Variants in GPRC5B observed in about 807,000 individuals in gnomAD.
GPRC5B encodes G protein-coupled receptor class C group 5 member B.
Under a neutral mutation model 30.1 loss-of-function variants are expected in GPRC5B, and 16 were observed. That is an observed-to-expected ratio of 0.53 (90% CI 0.36 to 0.81). The LOEUF (loss-of-function observed/expected upper bound fraction) is 0.81, where lower values mean the gene tolerates loss of function less well. Ranked by LOEUF, GPRC5B falls within the 30% of genes least tolerant of loss-of-function variation. The pLI, the probability that GPRC5B is intolerant of heterozygous loss-of-function variation, is 0.01. For missense variants in GPRC5B, 428 were observed against 544.7 expected (o/e 0.79, Z 2.13); for synonymous variants, 241 against 239.5 (o/e 1.01, Z -0.06).
chr16:19,873,222 T>C (rs1174932300), intron 1 of GPRC5B, among the ~76,000 whole-genome samples: 1 of 152,002 alleles, frequency 6.6e-6, no homozygotes, highest in Non-Finnish European at 1.5e-5. Context: ...CCCAGCAGTT[T>C]GGGAGGCAGA....
At chr16:19,862,137 T>A in intron 2 of GPRC5B, 164 bp from the exon 3 acceptor site, 1 of 625,674 alleles carries the variant, frequency 1.6e-6, no homozygotes. Flanking sequence ...ACAAAGGGGC[T>A]TTGTTCTCAG....
chr16:19,857,745 TAA>T lies in GPRC5B; in HGVS notation c.*2753_*2754del, dbSNP rs397937342. ...CAGTGGGTCCTGACGGCATCTGGGC[TAA>T]AAAAAAAAAAAAAAAAAAGCACTGG... On this transcript the variant is annotated 3_prime_UTR_variant, in exon 4 of 4. Coordinates refer to ENST00000300571, the MANE Select transcript of GPRC5B (RefSeq NM_016235.3). The T allele has an allele frequency of 4.4e-3, 438 of 98,598 alleles. 2 individuals carry two copies. The highest frequency in any genetic ancestry group is 0.012 in the African/African-American group (315 of 27,088). The allele number at this position is 98,598 out of a possible 1,614,324, so 6.1% of individuals were successfully genotyped here. A position where few individuals can be genotyped will look rare whatever the true frequency, so the allele number is the denominator to read the frequency against.
At chr16:19,884,542 G>A (rs891560076) in intron 1 of GPRC5B, among the ~76,000 whole-genome samples, 185 bp downstream of exon 1, 1 of 108,906 alleles carries the variant, frequency 9.2e-6, no homozygotes, top group South Asian at 3.5e-4. Context: ...CTCTGCTCTC[G>A]TCGCACCGTG....
At chr16:19,880,891 C>G (rs1351068844) in intron 1 of GPRC5B, 2 of 109,732 alleles carry the variant, frequency 1.8e-5, no homozygotes, top group Admixed American at 1.7e-4. Flanking sequence ...CCCTGTGTCC[C>G]CTCGACCCCA....
chr16:19,877,850 A>G (rs999963511), intron 1 of GPRC5B, among the ~76,000 whole-genome samples: 10 of 152,230 alleles, frequency 6.6e-5, no homozygotes, highest in East Asian at 1.9e-4. Context: ...TTTACTACAC[A>G]CTAGAGTCCC....
rs749275846 is a variant in GPRC5B at position 19,872,778 on chromosome 16, A to T, written c.68T>A (p.Ile23Asn). The change falls in exon 2 of 4, where the codon ATC becomes AAC. Residue 23 changes from isoleucine (I) to asparagine (N), a missense_variant. This residue lies in a region of GPRC5B where 196 missense variants were observed against 272.6 expected (regional missense o/e 0.72). Coordinates refer to ENST00000300571, the MANE Select transcript of GPRC5B (RefSeq NM_016235.3). The surrounding 1 kb of genome is among the most constrained non-coding windows in gnomAD (Gnocchi z 5.0). ...QVLTFLLLFV[I>N]TSVASENAST... Reference sequence around the variant, plus strand: ...GGCGTTTTCAGAGGCCACCGAGGTGATCACGAAGAGCAGGAGGAAGGTGAG... The same window carrying T: ...GGCGTTTTCAGAGGCCACCGAGGTGTTCACGAAGAGCAGGAGGAAGGTGAG... 3 of 1,613,808 alleles carry T rather than the reference A, an allele frequency of 1.9e-6. 1 individual carries two copies. The South Asian group carries it at 3.3e-5, about 18-fold the overall frequency.
intron 2 of GPRC5B, among the ~76,000 whole-genome samples, chr16:19,870,467 C>A (rs977276999): frequency 6.6e-6 from 1 of 152,224 alleles, no homozygotes; most frequent in African/African-American, 2.4e-5. Flanking sequence ...CAGTCTCTTA[C>A]TATTTCTAGT....
chr16:19,883,149 G>T (rs548849278), intron 1 of GPRC5B, among the ~76,000 whole-genome samples: 2 of 152,332 alleles, frequency 1.3e-5, no homozygotes, highest in African/African-American at 2.4e-5. Flanking sequence ...CAGGGGTTTT[G>T]TCCGTTTTAT....
rs773832981 is a variant in GPRC5B at position 19,857,223 on chromosome 16, C to T, written c.*3277G>A. ...TTCTCCCATTTAAAATGCCACAGAC[C>T]GACCCTCAAGGCAGATCCGAAAGCC... On this transcript the variant is annotated 3_prime_UTR_variant, in exon 4 of 4. Transcript: ENST00000300571. 6 of 270,002 alleles carry T rather than the reference C, an allele frequency of 2.2e-5. No homozygotes were observed. The highest frequency in any genetic ancestry group is 4.7e-5 in the African/African-American group (2 of 42,726). The allele number at this position is 270,002 out of a possible 1,614,324, so 16.7% of individuals were successfully genotyped here. A position where few individuals can be genotyped will look rare whatever the true frequency, so the allele number is the denominator to read the frequency against.
intron 3 of GPRC5B, 99 bp downstream of exon 3, chr16:19,861,738 A>G (rs1482711414): frequency 1.0e-6 from 1 of 993,772 alleles, no homozygotes; most frequent in Non-Finnish European, 1.6e-6. Flanking sequence ...TGCAGGCCAC[A>G]TGGGCAGCCT....
intron 2 of GPRC5B, among the ~76,000 whole-genome samples, chr16:19,867,477 G>C (rs1459122286): frequency 6.6e-6 from 1 of 152,206 alleles, no homozygotes; most frequent in South Asian, 2.1e-4. Context: ...CCCCAACAGA[G>C]GTTAGTTATC....
In GPRC5B at chr16:19,861,932, T is replaced by C; in HGVS notation, c.1072A>G (p.Arg358Gly). ...AGFPNGSLGK[R>G]PSGSLGKRPS... ...CTTTTCCCCAAGCTGCCACTGGGTCTTTTTCCCAAGCTGCCGTTGGGAAAT... is the reference window on the plus strand; with the variant it reads ...CTTTTCCCCAAGCTGCCACTGGGTCCTTTTCCCAAGCTGCCGTTGGGAAAT... The change falls in exon 3 of 4, where the codon AGA becomes GGA. Residue 358 changes from arginine (R) to glycine (G), a missense_variant. Around this residue, in one of 3 missense-constraint regions of GPRC5B, gnomAD observed 213 missense variants for 229.1 expected, o/e 0.93. Transcript: ENST00000300571. 1 of 1,612,752 alleles carries C rather than the reference T, an allele frequency of 6.2e-7. No individual in the cohort carries two copies.
upstream of GPRC5B, chr16:19,885,619 G>A (rs543564773): frequency 4.9e-6 from 5 of 1,010,704 alleles, no homozygotes; most frequent in East Asian, 1.1e-4. This position sits in a 1 kb window ranked among gnomAD's most constrained non-coding sequence, Gnocchi z 5.3. Context: ...CATGTCCACT[G>A]CCCTTCAGGG....
upstream of GPRC5B, chr16:19,885,086 C>A (rs2056840598): frequency 6.1e-6 from 5 of 813,634 alleles, no homozygotes; most frequent in Non-Finnish European, 8.8e-6. This position sits in a 1 kb window ranked among gnomAD's most constrained non-coding sequence, Gnocchi z 5.3. Flanking sequence ...CCTCGTGCCC[C>A]CAATTCGGGG....
At chr16:19,883,620 GC>G (rs1038215919) in intron 1 of GPRC5B, among the ~76,000 whole-genome samples, 5 of 152,234 alleles carry the variant, frequency 3.3e-5, no homozygotes, top group Non-Finnish European at 7.3e-5. Flanking sequence ...CTGTTCAGGT[GC>G]CCCCCGGCCT....
chr16:19,883,352 A>G (rs2056821859), intron 1 of GPRC5B, among the ~76,000 whole-genome samples: 1 of 152,158 alleles, frequency 6.6e-6, no homozygotes, highest in African/African-American at 2.4e-5. Flanking sequence ...CAGGGAGCAG[A>G]TAGCAAACTG....
chr16:19,857,560 A>G lies in GPRC5B; in HGVS notation c.*2940T>C, dbSNP rs2056577556. 2.7e-6 allele frequency: 1 copy of G among 367,120 alleles called. No individual in the cohort carries two copies. Among genetic ancestry groups the G allele is most frequent in the Non-Finnish European group, 5.1e-6 (1 of 194,402 alleles). 22.7% of individuals were successfully genotyped at this position (367,120 alleles called of 1,614,324 possible). On this transcript the variant is annotated 3_prime_UTR_variant, in exon 4 of 4. Coordinates refer to ENST00000300571, the MANE Select transcript of GPRC5B (RefSeq NM_016235.3). ...CAAAAGTGAGCCTTAGCTCTTCATCAGTTAATAAAAAGCACCTGCTGAGAA... is the reference window on the plus strand; with the variant it reads ...CAAAAGTGAGCCTTAGCTCTTCATCGGTTAATAAAAAGCACCTGCTGAGAA...
Position 19,859,591 on chromosome 16 carries a change from C to T in GPRC5B, c.*909G>A, listed in dbSNP as rs1381228427. 1.3e-5 allele frequency: 2 copies of T among 152,156 alleles called. No individual in the cohort carries two copies. Among genetic ancestry groups the T allele is most frequent in the African/African-American group, 4.8e-5 (2 of 41,444 alleles). The allele number at this position is 152,156 out of a possible 1,614,324, so 9.4% of individuals were successfully genotyped here. ...GTGGTGCCTGCCTTCCAACCTGCCT[C>T]CCGGAGGGGCTTTCAGCTGGAGACC... On this transcript the variant is annotated 3_prime_UTR_variant, in exon 4 of 4. Coordinates refer to ENST00000300571, the MANE Select transcript of GPRC5B (RefSeq NM_016235.3).
chr16:19,877,337 GC>G (rs1251440079), intron 1 of GPRC5B, among the ~76,000 whole-genome samples: 1 of 152,098 alleles, frequency 6.6e-6, no homozygotes, highest in Non-Finnish European at 1.5e-5. Flanking sequence ...ACATCTTATG[GC>G]CCCCTTCTTC....
Sources: gnomAD v4.1 joint callset for allele counts (sites outside exome capture counted in the v4.1 genomes callset) on GRCh38, gnomAD v4.1.1 for gene constraint, gnomAD v4.1.1 regional missense constraint, Gnocchi (gnomAD v3.1) non-coding constraint, MANE v1.5 for transcripts, NCBI Gene and HGNC (gene_info 2026-07-23, HGNC 2026-07-21) for gene names.